Variants in DIS3 observed in about 807,000 individuals in gnomAD.
DIS3 encodes the protein DIS3 exosome endoribonuclease and 3'-5' exoribonuclease.
Under a neutral mutation model 113.0 loss-of-function variants are expected in DIS3, and 103 were observed. The observed-to-expected ratio is 0.91, with a 90% CI of 0.78 to 1.07. The LOEUF (loss-of-function observed/expected upper bound fraction) is 1.07, where lower values mean the gene tolerates loss of function less well. Ranked by LOEUF, DIS3 falls within the 50% of genes least tolerant of loss-of-function variation. DIS3 has a pLI of 0.00. For missense variants in DIS3, 1,121 were observed against 1,167.1 expected (o/e 0.96, Z 0.58); for synonymous variants, 402 against 394.3 (o/e 1.02, Z -0.23).
chr13:72,777,128 T>C (rs2034035186), intron 4 of DIS3, among the ~76,000 whole-genome samples: 1 of 152,226 alleles, frequency 6.6e-6, no homozygotes, highest in African/African-American at 2.4e-5. Context: ...CAGCAGCTAC[T>C]CTTTATTCAC....
Position 72,775,204 on chromosome 13 carries a change from T to G in DIS3, c.987+7A>C. 6.2e-7 allele frequency: 1 copy of G among 1,609,684 alleles called. No individual in the cohort carries two copies. Among genetic ancestry groups the G allele is most frequent in the Admixed American group, 1.7e-5 (1 of 59,232 alleles). ...CAGACAAAAAAAAATCCTGCTTAGA[T>G]TCATACCATTCGTTCTGTCTCTTCT... On this transcript the variant is annotated splice_region_variant and intron_variant, in intron 6 of 20. Coordinates refer to ENST00000377767, the MANE Select transcript of DIS3 (RefSeq NM_014953.5).
In DIS3 at chr13:72,764,324, G is replaced by A. The variant is rs75404529; in HGVS notation, c.1971-717C>T. 3.9e-3 allele frequency among the ~76,000 whole-genome samples: 596 copies of A among 151,870 alleles called. 2 individuals are homozygous for A. The highest frequency in any genetic ancestry group is 0.013 in the African/African-American group (544 of 41,410). On this transcript the variant is annotated intron_variant, in intron 15 of 20. Coordinates refer to ENST00000377767, the MANE Select transcript of DIS3 (RefSeq NM_014953.5). The stretch of plus-strand genomic sequence containing the variant: ...AGCTATTTAGATCATACAAATTTTG[G>A]CTTAAAAACCAAAATTTTTAACAAT...
At chr13:72,780,571 T>A (rs1352672958) in intron 2 of DIS3, among the ~76,000 whole-genome samples, 1 of 152,146 alleles carries the variant, frequency 6.6e-6, no homozygotes, top group African/African-American at 2.4e-5. Context: ...CAACTCATGC[T>A]AAAACCAATT....
rs1053600720 is a variant in DIS3 at position 72,753,915 on chromosome 13, A to G, written c.*5880T>C. 2.6e-5 allele frequency: 32 copies of G among 1,245,914 alleles called. No homozygotes were observed. The highest frequency in any genetic ancestry group is 3.2e-5 in the Non-Finnish European group (29 of 908,998). The allele number at this position is 1,245,914 out of a possible 1,614,324, so 77.2% of individuals were successfully genotyped here. On this transcript the variant is annotated 3_prime_UTR_variant, in exon 21 of 21. Transcript: ENST00000377767. The stretch of plus-strand genomic sequence containing the variant: ...GACAATAGTACTATTGAGAAACTAT[A>G]TGAAATTTAAAACACTAAAAGGTAA...
rs757511701 is a variant in DIS3, at chr13:72,761,367, T to C, written c.2666A>G (p.Asp889Gly). 6.9e-6 allele frequency: 11 copies of C among 1,599,200 alleles called. No individual in the cohort carries two copies. The highest frequency in any genetic ancestry group is 8.5e-6 in the Non-Finnish European group (10 of 1,176,712). Residue 889 changes from aspartate (D) to glycine (G), a missense_variant, in exon 19 of 21, where the codon GAT (aspartate) becomes GGT (glycine). This residue lies in a region of DIS3 where 861 missense variants were observed against 915.5 expected (regional missense o/e 0.94). Transcript: ENST00000377767. ...CAAACATGAGAAATACCGTACCTCA[T>C]CATCATAAATAAGCTGTGGGTTTGG... The part of the protein sequence containing the change: ...DKPNPQLIYD[D>G]EIPSLKIEDT...
chr13:72,759,944 T>G, intron 20 of DIS3, 66 bp from the exon 21 acceptor site: 1 of 1,265,612 alleles, frequency 7.9e-7, no homozygotes. Flanking sequence ...AACCTCATCC[T>G]CCCCTTCCCC....
chr13:72,753,464 C>G lies in DIS3; in HGVS notation c.*6331G>C. On this transcript the variant is annotated 3_prime_UTR_variant, in exon 21 of 21. Coordinates refer to ENST00000377767, the MANE Select transcript of DIS3 (RefSeq NM_014953.5). ...TGTTCACTGATTCTTAAGGAAGTTA[C>G]AAGATATATTTCATTGGAAGGAATT... The G allele has an allele frequency of 2.7e-6, 1 of 372,688 alleles. No individual in the cohort carries two copies. Among genetic ancestry groups the G allele is most frequent in the Non-Finnish European group, 4.8e-6 (1 of 209,920 alleles). The allele number at this position is 372,688 out of a possible 1,614,324, so 23.1% of individuals were successfully genotyped here. A position where few individuals can be genotyped will look rare whatever the true frequency, so the allele number is the denominator to read the frequency against.
chr13:72,775,092 A>G (rs2033976189), intron 6 of DIS3, 119 bp downstream of exon 6: 4 of 1,128,790 alleles, frequency 3.5e-6, no homozygotes, highest in Non-Finnish European at 4.8e-6. Context: ...CATGCGTTAA[A>G]TATACAGAAC....
intron 2 of DIS3, among the ~76,000 whole-genome samples, chr13:72,780,257 T>C (rs772228566): frequency 4.6e-4 from 57 of 125,108 alleles, no homozygotes; most frequent in Non-Finnish European, 7.5e-4. Context: ...ACTTGGGAGG[T>C]GGAGGTTGCA....
intron 16 of DIS3, 80 bp from the exon 17 acceptor site, chr13:72,762,217 C>T: frequency 8.2e-7 from 1 of 1,212,470 alleles, no homozygotes; most frequent in Non-Finnish European, 1.2e-6. Context: ...TATAACTGAT[C>T]TGACTGAACA....
At chr13:72,760,675 T>C (rs763726026) in intron 19 of DIS3, 24 bp from the exon 20 acceptor site, 1 of 1,605,860 alleles carries the variant, frequency 6.2e-7, no homozygotes, top group South Asian at 1.1e-5. Context: ...ATTTTATCAT[T>C]CTTAATTGCT....
chr13:72,753,673 C>A lies in DIS3; in HGVS notation c.*6122G>T, dbSNP rs1052977228. 6.3e-7 allele frequency: 1 copy of A among 1,589,038 alleles called. No homozygotes were observed. The highest frequency in any genetic ancestry group is 1.8e-5 in the Admixed American group (1 of 54,726). On this transcript the variant is annotated 3_prime_UTR_variant, in exon 21 of 21. Transcript: ENST00000377767. ...TAAGTTCCTCACAATATATTTTTTT[C>A]TTTTTTCTCCTGTCAGATGGATAGT...
chr13:72,773,602 G>GATTGTTTTT lies in DIS3; in HGVS notation c.1239+73_1239+81dup, dbSNP rs1306640911. 4.2e-6 allele frequency: 6 copies of GATTGTTTTT among 1,425,276 alleles called. No individual in the cohort carries two copies. In the African/African-American group the frequency reaches 8.7e-5, roughly 21 times the overall value. The allele number at this position is 1,425,276 out of a possible 1,614,324, so 88.3% of individuals were successfully genotyped here. On this transcript the variant is annotated intron_variant, in intron 8 of 20. Coordinates refer to ENST00000377767, the MANE Select transcript of DIS3 (RefSeq NM_014953.5). Reference sequence around the variant, plus strand: ...TCAGTACAAATTCTACATAAAAGTAGATTGTTTTTATTAAAAGCAGAAATA... The same window carrying GATTGTTTTT: ...TCAGTACAAATTCTACATAAAAGTAGATTGTTTTTATTGTTTTTATTAAAAGCAGAAATA...
chr13:72,771,738 C>T (rs2033889897), intron 11 of DIS3, 57 bp downstream of exon 11: 5 of 1,516,346 alleles, frequency 3.3e-6, no homozygotes, highest in East Asian at 2.3e-5. Context: ...AATTCATGGC[C>T]GTTTAAGAAT....
chr13:72,780,109 C>T (rs1468561499), intron 2 of DIS3, among the ~76,000 whole-genome samples: 1 of 151,730 alleles, frequency 6.6e-6, no homozygotes, highest in African/African-American at 2.4e-5. Flanking sequence ...AGGTGGATCA[C>T]GAGGTCAGGA....
At chr13:72,764,455 C>T (rs546894987) in intron 15 of DIS3, among the ~76,000 whole-genome samples, 69 of 152,278 alleles carry the variant, frequency 4.5e-4, no homozygotes, top group Non-Finnish European at 8.4e-4. Context: ...CACACACCCA[C>T]AAACTCTGTT....
chr13:72,763,350 A>G, intron 16 of DIS3, 101 bp downstream of exon 16: 1 of 1,368,378 alleles, frequency 7.3e-7, no homozygotes, highest in Non-Finnish European at 9.8e-7. Flanking sequence ...TTCTTGTATT[A>G]ACAAACAATA....
At chr13:72,765,809 T>C (rs1428421957) in intron 15 of DIS3, among the ~76,000 whole-genome samples, 163 bp downstream of exon 15, 1 of 152,252 alleles carries the variant, frequency 6.6e-6, no homozygotes, top group African/African-American at 2.4e-5. Context: ...GAAGAAAAAC[T>C]GAGCTTAAAT....
chr13:72,778,775 A>G (rs2034084490), intron 2 of DIS3, among the ~76,000 whole-genome samples: 1 of 152,224 alleles, frequency 6.6e-6, no homozygotes, highest in Non-Finnish European at 1.5e-5. Flanking sequence ...AATTCCTAAA[A>G]GCTACAAATA....
Sources: allele counts gnomAD v4.1 joint callset (sites outside exome capture counted in the v4.1 genomes callset), GRCh38; gene constraint gnomAD v4.1.1; regional missense constraint gnomAD v4.1.1; transcripts MANE v1.5; gene names NCBI Gene and HGNC (gene_info 2026-07-23, HGNC 2026-07-21).